Variants in LOC128462377 observed in about 807,000 individuals in gnomAD.
the LOC128462377 span, among the ~76,000 whole-genome samples, chr16:89,408,377 C>T: frequency 6.6e-6 from 1 of 152,252 alleles, no homozygotes; most frequent in African/African-American, 2.4e-5. Context: ...CACAGAAAGG[C>T]CAGCATCAGC....
chr16:89,334,345 T>A, the LOC128462377 span, among the ~76,000 whole-genome samples: 5 of 152,024 alleles, frequency 3.3e-5, no homozygotes, highest in East Asian at 9.7e-4. Flanking sequence ...TGGTGACATG[T>A]GAGGGTACCC....
At chr16:89,356,243 T>C in the LOC128462377 span, among the ~76,000 whole-genome samples, 4 of 152,058 alleles carry the variant, frequency 2.6e-5, no homozygotes, top group Admixed American at 2.6e-4. Flanking sequence ...AAAAACTGAT[T>C]ACAGACTTTC....
At chr16:89,362,840 T>C in the LOC128462377 span, among the ~76,000 whole-genome samples, 1,175 of 152,194 alleles carry the variant, frequency 7.7e-3, 12 homozygotes, top group African/African-American at 0.027. Flanking sequence ...ACTTCCTCCT[T>C]CCTTTGTTCT....
the LOC128462377 span, among the ~76,000 whole-genome samples, chr16:89,328,107 C>T: frequency 2.6e-5 from 4 of 152,218 alleles, no homozygotes; most frequent in South Asian, 2.1e-4. Context: ...TGAAGGCACT[C>T]GACATCCTAA....
chr16:89,341,883 A>G, the LOC128462377 span, among the ~76,000 whole-genome samples: 4,873 of 42,606 alleles, frequency 0.11, 329 homozygotes, highest in East Asian at 0.29. Flanking sequence ...GGCCCACGGC[A>G]GGAGTGCTGC....
the LOC128462377 span, among the ~76,000 whole-genome samples, chr16:89,344,646 G>A: frequency 6.6e-6 from 1 of 152,182 alleles, no homozygotes; most frequent in Non-Finnish European, 1.5e-5. Flanking sequence ...GAAGAAAGAG[G>A]GCCAGAAATG....
the LOC128462377 span, among the ~76,000 whole-genome samples, chr16:89,381,935 C>G: frequency 6.6e-6 from 1 of 152,206 alleles, no homozygotes; most frequent in Non-Finnish European, 1.5e-5. Flanking sequence ...GACCTCTCCA[C>G]GGGGCTCAGA....
chr16:89,360,417 A>C, the LOC128462377 span: 1 of 152,252 alleles, frequency 6.6e-6, no homozygotes, highest in Non-Finnish European at 1.5e-5. Context: ...ATCACTTGAT[A>C]AACATTTATA....
the LOC128462377 span, among the ~76,000 whole-genome samples, chr16:89,415,610 T>C: frequency 3.3e-5 from 5 of 151,118 alleles, no homozygotes. Flanking sequence ...GATAAAACAA[T>C]GGAGAACAGG....
the LOC128462377 span, among the ~76,000 whole-genome samples, chr16:89,338,060 T>A: frequency 6.6e-6 from 1 of 152,196 alleles, no homozygotes; most frequent in East Asian, 1.9e-4. Context: ...AGGACCACTG[T>A]GTCGCGCTCT....
At chr16:89,343,483 TAATG>T in the LOC128462377 span, among the ~76,000 whole-genome samples, 2 of 152,318 alleles carry the variant, frequency 1.3e-5, no homozygotes, top group African/African-American at 4.8e-5. Flanking sequence ...TCCTAACACA[TAATG>T]TATGTGTGAG....
the LOC128462377 span, among the ~76,000 whole-genome samples, chr16:89,349,669 A>G: frequency 6.6e-6 from 1 of 152,206 alleles, no homozygotes; most frequent in African/African-American, 2.4e-5. Context: ...ATTGAAGTAA[A>G]TATGACTGAA....
chr16:89,415,905 G>A, the LOC128462377 span, among the ~76,000 whole-genome samples: 1 of 149,716 alleles, frequency 6.7e-6, no homozygotes, highest in South Asian at 2.1e-4. Context: ...TGCCCATGTG[G>A]GTCACGGCGC....
the LOC128462377 span, among the ~76,000 whole-genome samples, chr16:89,399,247 C>A: frequency 2.0e-5 from 3 of 152,098 alleles, no homozygotes; most frequent in Non-Finnish European, 2.9e-5. Context: ...CTTCATTTAT[C>A]CGTAAGAGAA....
chr16:89,345,834 G>A, the LOC128462377 span, among the ~76,000 whole-genome samples: 1 of 152,190 alleles, frequency 6.6e-6, no homozygotes, highest in African/African-American at 2.4e-5. Context: ...CTTGAGGCCA[G>A]AATGCATTCC....
chr16:89,317,909 C>T, the LOC128462377 span, among the ~76,000 whole-genome samples: 2 of 152,156 alleles, frequency 1.3e-5, no homozygotes, highest in African/African-American at 4.8e-5. Flanking sequence ...CCCAAGTTCA[C>T]GCCCAGGCCA....
chr16:89,323,183 C>T, the LOC128462377 span: 1 of 607,280 alleles, frequency 1.6e-6, no homozygotes, highest in Non-Finnish European at 2.6e-6. Context: ...GCCTTGTGCA[C>T]ACCTCACAGG....
At chr16:89,414,002 CTT>C in the LOC128462377 span, among the ~76,000 whole-genome samples, 1 of 152,138 alleles carries the variant, frequency 6.6e-6, no homozygotes, top group Non-Finnish European at 1.5e-5. Flanking sequence ...GCTGAGCTGA[CTT>C]CCAGCCCAGC....
chr16:89,394,670 G>A, the LOC128462377 span, among the ~76,000 whole-genome samples: 1 of 151,542 alleles, frequency 6.6e-6, no homozygotes, highest in South Asian at 2.1e-4. Flanking sequence ...AAAAACGAGT[G>A]TATTTTCCAC....
Sources: gnomAD v4.1 joint callset for allele counts (sites outside exome capture counted in the v4.1 genomes callset) on GRCh38, gnomAD v4.1.1 for gene constraint, MANE v1.5 for transcripts.